Variants in SPTSSA observed in about 807,000 individuals in gnomAD.
SPTSSA encodes the protein small subunit of serine palmitoyltransferase A.
Under a neutral mutation model 9.1 loss-of-function variants are expected in SPTSSA, and 8 were observed. The observed-to-expected ratio is 0.88, with a 90% CI of 0.51 to 1.58. The LOEUF (loss-of-function observed/expected upper bound fraction) is 1.58, where lower values mean the gene tolerates loss of function less well. SPTSSA is among the 40% of genes most tolerant of loss of function. SPTSSA has a pLI of 0.00. For synonymous variants in SPTSSA, 42 were observed against 37.7 expected (o/e 1.11, Z -0.41); for missense variants, 100 against 93.8 (o/e 1.07, Z -0.27).
At chr14:34,459,779 T>TCACA (rs112310300) in intron 1 of SPTSSA, among the ~76,000 whole-genome samples, 5 of 151,738 alleles carry the variant, frequency 3.3e-5, no homozygotes, top group East Asian at 1.9e-4. Context: ...AAACACTGTC[T>TCACA]CACACACACA....
chr14:34,439,404 G>A (rs1883286004), intron 1 of SPTSSA, among the ~76,000 whole-genome samples: 2 of 152,164 alleles, frequency 1.3e-5, no homozygotes, highest in South Asian at 2.1e-4. Context: ...TTGGGAGGCC[G>A]AGGTGGGAGG....
chr14:34,460,483 AT>A (rs1374507784), intron 1 of SPTSSA, among the ~76,000 whole-genome samples: 2 of 152,158 alleles, frequency 1.3e-5, no homozygotes, highest in African/African-American at 4.8e-5. Context: ...TCACCTAGTT[AT>A]TTATAGGACA....
At chr14:34,443,818 G>C (rs913018165) in intron 1 of SPTSSA, among the ~76,000 whole-genome samples, 1 of 152,100 alleles carries the variant, frequency 6.6e-6, no homozygotes, top group Non-Finnish European at 1.5e-5. Context: ...TTACAGATAT[G>C]AGCCACTGTG....
chr14:34,458,368 C>T (rs903385268), intron 1 of SPTSSA, among the ~76,000 whole-genome samples: 6 of 152,164 alleles, frequency 3.9e-5, no homozygotes, highest in African/African-American at 1.4e-4. Flanking sequence ...ATTTTTAGTA[C>T]AGACTGAGTT....
intron 1 of SPTSSA, among the ~76,000 whole-genome samples, chr14:34,455,799 G>A (rs1883609891): frequency 6.6e-6 from 1 of 151,952 alleles, no homozygotes; most frequent in Non-Finnish European, 1.5e-5. Flanking sequence ...GGGCATGGTG[G>A]CGTGCAACTG....
chr14:34,453,757 A>C (rs1883565744), intron 1 of SPTSSA, among the ~76,000 whole-genome samples: 2 of 152,192 alleles, frequency 1.3e-5, no homozygotes, highest in African/African-American at 4.8e-5. Context: ...TATTTCTCAT[A>C]ACTATTGATC....
At chr14:34,451,521 A>G (rs1292933766) in intron 1 of SPTSSA, among the ~76,000 whole-genome samples, 2 of 152,112 alleles carry the variant, frequency 1.3e-5, no homozygotes, top group East Asian at 1.9e-4. Flanking sequence ...CAGGAGATCG[A>G]GACCGTCCTG....
At chr14:34,453,884 TA>T (rs58447640) in intron 1 of SPTSSA, among the ~76,000 whole-genome samples, 37 of 147,530 alleles carry the variant, frequency 2.5e-4, no homozygotes, top group Admixed American at 2.7e-4. Flanking sequence ...TTTGTTCTTT[TA>T]AAAAAAAAAA....
chr14:34,448,964 T>TA (rs56055532), intron 1 of SPTSSA, among the ~76,000 whole-genome samples: 19,312 of 152,134 alleles, frequency 0.13, 1,437 homozygotes, highest in East Asian at 0.28. Context: ...CACACGGCTG[T>TA]ACTCCAGCCT....
intron 1 of SPTSSA, among the ~76,000 whole-genome samples, chr14:34,447,474 T>A (rs1351565575): frequency 6.6e-6 from 1 of 152,142 alleles, no homozygotes; most frequent in Non-Finnish European, 1.5e-5. Flanking sequence ...GCTCTTCAAC[T>A]GGAATGACAA....
chr14:34,459,833 G>C (rs984097314), intron 1 of SPTSSA, among the ~76,000 whole-genome samples: 10 of 152,128 alleles, frequency 6.6e-5, no homozygotes, highest in African/African-American at 2.4e-4. Context: ...CTCTGTTCAG[G>C]ACTTCTAACT....
chr14:34,452,380 T>A (rs1363658346), intron 1 of SPTSSA, among the ~76,000 whole-genome samples: 2 of 152,238 alleles, frequency 1.3e-5, no homozygotes, highest in African/African-American at 2.4e-5. Flanking sequence ...CACAGTCCTC[T>A]GTATGTTAAC....
At chr14:34,441,744 C>T (rs1001731821) in intron 1 of SPTSSA, among the ~76,000 whole-genome samples, 1 of 152,178 alleles carries the variant, frequency 6.6e-6, no homozygotes, top group Non-Finnish European at 1.5e-5. Flanking sequence ...CTGCAGGTTT[C>T]TGGCCATGGC....
chr14:34,451,181 C>T (rs141394728), intron 1 of SPTSSA, among the ~76,000 whole-genome samples: 14 of 152,168 alleles, frequency 9.2e-5, no homozygotes, highest in African/African-American at 3.4e-4. Flanking sequence ...TCTAAACTAT[C>T]ATCACCCACT....
chr14:34,456,185 G>C (rs989406884), intron 1 of SPTSSA, among the ~76,000 whole-genome samples: 2 of 152,118 alleles, frequency 1.3e-5, no homozygotes, highest in Admixed American at 1.3e-4. Context: ...AGCCAGGCGT[G>C]GTGGTGGGTG....
At chr14:34,435,558 C>T (rs1316513235) in intron 1 of SPTSSA, among the ~76,000 whole-genome samples, 1 of 150,568 alleles carries the variant, frequency 6.6e-6, no homozygotes, top group Non-Finnish European at 1.5e-5. Flanking sequence ...AAAGTAAGTA[C>T]TGTTATTCTC....
At chr14:34,449,427 C>A (rs770567218) in intron 1 of SPTSSA, among the ~76,000 whole-genome samples, 2 of 151,854 alleles carry the variant, frequency 1.3e-5, no homozygotes, top group African/African-American at 4.8e-5. Context: ...TTCTAGATCA[C>A]CTGACCTGGT....
chr14:34,460,883 G>A (rs1878604174), intron 1 of SPTSSA, among the ~76,000 whole-genome samples: 1 of 152,124 alleles, frequency 6.6e-6, no homozygotes, highest in Non-Finnish European at 1.5e-5. Context: ...TTAAATTCCA[G>A]GTTTGGAAAG....
At chr14:34,443,262 T>C (rs1883359329) in intron 1 of SPTSSA, among the ~76,000 whole-genome samples, 1 of 49,022 alleles carries the variant, frequency 2.0e-5, no homozygotes, top group Non-Finnish European at 3.7e-5. Flanking sequence ...TTTCCTCTCA[T>C]TACCCAGCTG....
Sources: gnomAD v4.1 joint callset for allele counts (sites outside exome capture counted in the v4.1 genomes callset) on GRCh38, gnomAD v4.1.1 for gene constraint, MANE v1.5 for transcripts, NCBI Gene and HGNC (gene_info 2026-07-23, HGNC 2026-07-21) for gene names.